GRM8: variants seen among roughly 807,000 people sequenced by gnomAD.
GRM8 encodes the protein metabotropic glutamate receptor 8.
A neutral mutation model predicts 87.2 loss-of-function variants in GRM8; 47 were observed. The observed-to-expected ratio is 0.54, with a 90% confidence interval of 0.43 to 0.69. The LOEUF is 0.69. Among genes scored for constraint, GRM8 ranks in the 30% least tolerant of loss-of-function variants. GRM8 has a pLI of 0.00. For missense variants in GRM8, 1,019 were observed against 1,139.2 expected, an observed-to-expected ratio of 0.89 and a Z score of 1.52; for synonymous variants, 396 against 404.5, an observed-to-expected ratio of 0.98 and a Z score of 0.25.
In GRM8 at chr7:127,208,253, C is replaced by T. The variant is rs141148318; in HGVS notation, c.510+34442G>A. On this transcript the variant is annotated intron_variant, in intron 2 of 10. Transcript: ENST00000339582. ...AAGTGAACATGGGATGCAGGTAATA[C>T]GCATGTTTGCTTATCACACGTGTAC... Among the ~76,000 whole-genome samples, 1,014 of 152,228 alleles carry T rather than the reference C, an allele frequency of 6.7e-3. 2 individuals are homozygous for T. The highest frequency in any genetic ancestry group is 0.011 in the Non-Finnish European group (721 of 68,000).
intron 2 of GRM8, among the ~76,000 whole-genome samples, chr7:127,234,507 A>G (rs1182436589): frequency 2.0e-5 from 3 of 152,216 alleles, no homozygotes; most frequent in African/African-American, 7.2e-5. Context: ...AAAAGAAAAA[A>G]GCTGCTGCCA....
At chr7:126,824,917 T>G (rs534663795) in intron 6 of GRM8, among the ~76,000 whole-genome samples, 3 of 152,338 alleles carry the variant, frequency 2.0e-5, no homozygotes, top group Admixed American at 2.0e-4. Context: ...CCATTGGTCA[T>G]GAAAACCTCA....
intron 6 of GRM8, among the ~76,000 whole-genome samples, chr7:126,823,100 A>G (rs980414655): frequency 2.0e-5 from 3 of 152,248 alleles, no homozygotes; most frequent in Non-Finnish European, 4.4e-5. Flanking sequence ...ACAGTAGGTA[A>G]AGAATGTCAT....
intron 8 of GRM8, among the ~76,000 whole-genome samples, chr7:126,555,232 A>C (rs1479932036): frequency 1.3e-5 from 2 of 152,260 alleles, no homozygotes; most frequent in Non-Finnish European, 2.9e-5. Context: ...AGTCGATCCC[A>C]TGACACGGTA....
intron 9 of GRM8, among the ~76,000 whole-genome samples, chr7:126,479,673 T>C (rs1043478162): frequency 3.3e-5 from 5 of 152,078 alleles, no homozygotes; most frequent in African/African-American, 1.2e-4. Context: ...TAAATAATGG[T>C]ACTATGAACA....
At chr7:127,189,210 T>C (rs1026311845) in intron 2 of GRM8, among the ~76,000 whole-genome samples, 1 of 152,142 alleles carries the variant, frequency 6.6e-6, no homozygotes, top group Non-Finnish European at 1.5e-5. Flanking sequence ...ATTACAAATG[T>C]GTTTGTGTTT....
intron 9 of GRM8, among the ~76,000 whole-genome samples, chr7:126,486,488 T>C (rs966082478): frequency 1.3e-5 from 2 of 151,998 alleles, no homozygotes; most frequent in Non-Finnish European, 2.9e-5. Flanking sequence ...TGCCTTCTGG[T>C]TTCGCCTGAA....
intron 6 of GRM8, among the ~76,000 whole-genome samples, chr7:126,782,764 T>G (rs1362005): frequency 0.48 from 72,661 of 151,926 alleles, 18,027 homozygotes; most frequent in African/African-American, 0.57. Context: ...TCTGTGTGTA[T>G]TATTGGACCA....
intron 6 of GRM8, among the ~76,000 whole-genome samples, chr7:126,792,734 C>A (rs1421731817): frequency 1.3e-5 from 2 of 152,142 alleles, no homozygotes; most frequent in East Asian, 3.8e-4. Context: ...CCATCCCAGG[C>A]ATGAATAGTG....
intron 9 of GRM8, among the ~76,000 whole-genome samples, chr7:126,478,896 T>C (rs2150585047): frequency 6.6e-6 from 1 of 152,200 alleles, no homozygotes; most frequent in East Asian, 1.9e-4. Context: ...AATACTGCCC[T>C]AGATCAAAGC....
rs951417621 is a variant in GRM8, at chr7:127,096,648, A to G, written c.727+9848T>C. Among the ~76,000 whole-genome samples, 8 of 152,204 alleles carry G rather than the reference A, an allele frequency of 5.3e-5. 1 individual carries two copies. The highest frequency in any genetic ancestry group is 1.9e-4 in the African/African-American group (8 of 41,514). On this transcript the variant is annotated intron_variant, in intron 3 of 10. Transcript: ENST00000339582. ...TATGATCTCACCCAATTCTTATACA[A>G]TTGTTATCCCCACTCTACACATGAA...
chr7:126,541,219 G>A (rs1181351657), intron 8 of GRM8, among the ~76,000 whole-genome samples: 2 of 152,148 alleles, frequency 1.3e-5, no homozygotes, highest in South Asian at 2.1e-4. Flanking sequence ...ACGAAGCCCA[G>A]GGTTCATGGA....
chr7:126,471,565 C>G (rs928146327), intron 9 of GRM8, among the ~76,000 whole-genome samples: 1 of 151,766 alleles, frequency 6.6e-6, no homozygotes, highest in Non-Finnish European at 1.5e-5. Flanking sequence ...TGTTTTGGTA[C>G]CAGTACCATG....
chr7:126,857,909 A>T (rs945178410), intron 6 of GRM8, among the ~76,000 whole-genome samples: 20 of 152,142 alleles, frequency 1.3e-4, no homozygotes, highest in African/African-American at 4.6e-4. Flanking sequence ...CAATCCTGCC[A>T]CTACATTTCC....
At chr7:126,813,847 C>T (rs769397840) in intron 6 of GRM8, among the ~76,000 whole-genome samples, 1 of 152,020 alleles carries the variant, frequency 6.6e-6, no homozygotes, top group African/African-American at 2.4e-5. Context: ...TAACAAGTAA[C>T]CAAGGCTCAT....
At chr7:126,756,363 A>T (rs1436758551) in intron 7 of GRM8, among the ~76,000 whole-genome samples, 2 of 152,088 alleles carry the variant, frequency 1.3e-5, no homozygotes, top group Non-Finnish European at 2.9e-5. Context: ...GGGTATGGGG[A>T]TGCTTTTTAG....
chr7:126,830,701 C>T (rs1795282266), intron 6 of GRM8, among the ~76,000 whole-genome samples: 1 of 152,240 alleles, frequency 6.6e-6, no homozygotes, highest in African/African-American at 2.4e-5. Context: ...CTTCTCTCAA[C>T]TCGTCAAAGT....
chr7:126,714,539 T>C (rs893088826), intron 7 of GRM8, among the ~76,000 whole-genome samples: 4 of 152,052 alleles, frequency 2.6e-5, no homozygotes, highest in African/African-American at 7.2e-5. Context: ...CCAGACAGTC[T>C]GGCTTCAAAT....
intron 8 of GRM8, among the ~76,000 whole-genome samples, chr7:126,582,110 A>G (rs1795670511): frequency 1.3e-5 from 2 of 152,224 alleles, no homozygotes; most frequent in Non-Finnish European, 2.9e-5. Flanking sequence ...GAGACAGATA[A>G]AAATTAGGCC....
Sources: gnomAD v4.1 joint callset for allele counts (sites outside exome capture counted in the v4.1 genomes callset) on GRCh38, gnomAD v4.1.1 for gene constraint, MANE v1.5 for transcripts, NCBI Gene and HGNC (gene_info 2026-07-23, HGNC 2026-07-21) for gene names.